PSRC1: variants seen among roughly 807,000 people sequenced by gnomAD.
PSRC1 encodes proline and serine rich coiled-coil 1, also known as proline/serine-rich coiled-coil protein 1.
In PSRC1, 30 loss-of-function variants were observed where a neutral mutation model predicts 31.9. That is an observed-to-expected ratio of 0.94 (90% CI 0.70 to 1.28). The LOEUF is 1.28. PSRC1 is among the 50% of genes most tolerant of loss of function. PSRC1 has a pLI of 0.00. For missense variants in PSRC1, 481 were observed against 472.8 expected, an observed-to-expected ratio of 1.02 and a Z score of -0.16; for synonymous variants, 191 against 192.1, an observed-to-expected ratio of 0.99 and a Z score of 0.05.
exon 1 of PSRC1, chr1:109,283,105 C>T (rs1657462463): frequency 3.7e-6 from 1 of 273,008 alleles, no homozygotes; most frequent in Admixed American, 5.0e-5. Context: ...GCCTTATCTT[C>T]CACGCAACAG....
intron 2 of PSRC1, 49 bp downstream of exon 2, chr1:109,282,631 C>T (rs1263516402): frequency 6.2e-7 from 1 of 1,604,560 alleles, no homozygotes; most frequent in Non-Finnish European, 8.5e-7. Context: ...AGCTCTCCAT[C>T]GCTGGGTCTC....
intron 3 of PSRC1, 95 bp from the exon 4 acceptor site, chr1:109,282,155 G>T: frequency 8.5e-7 from 1 of 1,176,938 alleles, no homozygotes; most frequent in Non-Finnish European, 1.2e-6. Flanking sequence ...ACAGAGCCAG[G>T]GACATGACCC....
In PSRC1 at chr1:109,280,977, CG is replaced by C; in HGVS notation, c.793del (p.Arg265GlyfsTer74). ...AGATTTAGCAGCTGCTCCCTGCGGC[CG>C]GGGCAGGCGTTGAGAGTTGCTGGTA... On this transcript the variant is annotated frameshift_variant, in exon 5 of 7. Transcript: ENST00000409138. LOFTEE classifies it high-confidence loss of function. 6.6e-7 allele frequency: 1 copy of C among 1,522,120 alleles called. No homozygotes were observed. Among genetic ancestry groups the C allele is most frequent in the Non-Finnish European group, 8.9e-7 (1 of 1,124,146 alleles). 94.3% of individuals were successfully genotyped at this position (1,522,120 alleles called of 1,614,324 possible).
In PSRC1 at chr1:109,281,554, C is replaced by T. The variant is rs1434330675; in HGVS notation, c.519+65G>A. ...ATCCCTGTTTTACCAATAAGGAAAC[C>T]ACTCCCTGCATCATGGCACACACCA... On this transcript the variant is annotated intron_variant, in intron 4 of 6. Coordinates refer to ENST00000409138, the Ensembl canonical transcript of PSRC1. 14 of 1,351,724 alleles carry T rather than the reference C, an allele frequency of 1.0e-5. No homozygotes were observed. In the East Asian group the frequency reaches 2.8e-4, roughly 27 times the overall value. The allele number at this position is 1,351,724 out of a possible 1,614,324, so 83.7% of individuals were successfully genotyped here. A position where few individuals can be genotyped will look rare whatever the true frequency, so the allele number is the denominator to read the frequency against.
chr1:109,282,929 G>C, intron 1 of PSRC1, 134 bp downstream of exon 1: 1 of 609,430 alleles, frequency 1.6e-6, no homozygotes, highest in Non-Finnish European at 2.9e-6. Context: ...GATTGCCCTG[G>C]AGCCGCCCTG....
At chr1:109,279,897 G>T (rs1240378828) in exon 7 of PSRC1, 3 of 561,888 alleles carry the variant, frequency 5.3e-6, no homozygotes, top group African/African-American at 3.7e-5. Flanking sequence ...TCTTCTATTT[G>T]TTCATTTCAC....
At chr1:109,280,030 G>A in exon 7 of PSRC1, 3 of 1,272,122 alleles carry the variant, frequency 2.4e-6, no homozygotes, top group Middle Eastern at 2.0e-4. Context: ...CAGCCCTGGT[G>A]GCATCTCTTC....
chr1:109,280,831 C>G (rs1464571354), exon 5 of PSRC1: 1 of 1,609,880 alleles, frequency 6.2e-7, no homozygotes, highest in African/African-American at 1.3e-5. Flanking sequence ...CTTGGAAGCC[C>G]TTTTCGAGTT....
exon 4 of PSRC1, chr1:109,281,684 C>T: frequency 6.2e-7 from 1 of 1,614,082 alleles, no homozygotes; most frequent in Admixed American, 1.7e-5. Flanking sequence ...CCCTTCCTAT[C>T]ATTACTCCGG....
At chr1:109,282,215 G>A (rs913902905) in intron 3 of PSRC1, 155 bp from the exon 4 acceptor site, 1 of 694,756 alleles carries the variant, frequency 1.4e-6, no homozygotes. Flanking sequence ...TGGGCGATGA[G>A]ATACCTGGTT....
At chr1:109,282,095 G>A (rs568075819) in intron 3 of PSRC1, 35 bp from the exon 4 acceptor site, 3 of 1,448,914 alleles carry the variant, frequency 2.1e-6, no homozygotes, top group South Asian at 3.0e-5. Context: ...TCATGCCCAT[G>A]CAAAAGGGAA....
At chr1:109,280,092 C>T (rs762708969) in exon 7 of PSRC1, 34 of 1,612,560 alleles carry the variant, frequency 2.1e-5, no homozygotes, top group African/African-American at 5.3e-5. Flanking sequence ...TGGGTAGAGG[C>T]GAGTCCAGGT....
At chr1:109,280,422 C>T (rs781099663) in exon 6 of PSRC1, 5 of 1,612,742 alleles carry the variant, frequency 3.1e-6, no homozygotes, top group South Asian at 1.1e-5. Context: ...CTGCCACTTT[C>T]CTGGGGGGCT....
Position 109,281,254 on chromosome 1 carries a change from G to GA in PSRC1, c.520-4dup. 1 of 1,578,738 alleles carries GA rather than the reference G, an allele frequency of 6.3e-7. No individual in the cohort carries two copies. Among genetic ancestry groups the GA allele is most frequent in the Non-Finnish European group, 8.6e-7 (1 of 1,160,330 alleles). ...AACAGATTGCAAGTGGGTGACTCCT[G>GA]AAACACAAAGAGAGAGAGAAAAAAG... On this transcript the variant is annotated splice_region_variant and splice_polypyrimidine_tract_variant and intron_variant, in intron 4 of 6. Transcript: ENST00000409138.
exon 5 of PSRC1, chr1:109,281,087 A>C: frequency 1.2e-6 from 2 of 1,613,324 alleles, no homozygotes; most frequent in Non-Finnish European, 1.7e-6. Flanking sequence ...TCAATCCCAC[A>C]AACTCCCCAC....
chr1:109,280,469 T>A (rs747889314), exon 6 of PSRC1: 1 of 1,613,162 alleles, frequency 6.2e-7, no homozygotes, highest in African/African-American at 1.3e-5. Context: ...ACAGGAAGAT[T>A]TAGTCGCTGG....
In PSRC1 at chr1:109,281,699, G is replaced by A. The variant is rs773654464; in HGVS notation, c.439C>T (p.Arg147Ter). The stretch of plus-strand genomic sequence containing the variant: ...CCCTTCCTATCATTACTCCGGAGTC[G>A]AGGCGTCAGGCTGCTTGGGGAGGGG... The change falls in exon 4 of 7, where the codon CGA becomes TGA. Residue 147 changes from arginine (R) to a stop codon, truncating the protein, a stop_gained. Coordinates refer to ENST00000409138, the Ensembl canonical transcript of PSRC1. LOFTEE classifies it high-confidence loss of function. 3.0e-5 allele frequency: 48 copies of A among 1,613,822 alleles called. No homozygotes were observed. Among genetic ancestry groups the A allele is most frequent in the African/African-American group, 4.0e-5 (3 of 74,828 alleles).
exon 7 of PSRC1, chr1:109,280,007 A>G (rs1420547791): frequency 1.0e-6 from 1 of 987,338 alleles, no homozygotes; most frequent in African/African-American, 1.6e-5. Flanking sequence ...CATGGTCTCT[A>G]CTCCTGGGAG....
chr1:109,280,720 C>G, intron 5 of PSRC1, 57 bp downstream of exon 6: 1 of 1,414,840 alleles, frequency 7.1e-7, no homozygotes, highest in Non-Finnish European at 9.6e-7. Flanking sequence ...GTTGACAGCT[C>G]TGGGAGGGTG....
Sources: allele counts gnomAD v4.1 joint callset, GRCh38; gene constraint gnomAD v4.1.1; transcripts MANE v1.5; gene names NCBI Gene and HGNC (gene_info 2026-07-23, HGNC 2026-07-21).